ST6GALNAC3: variants seen among roughly 807,000 people sequenced by gnomAD.
The protein encoded by ST6GALNAC3 is ST6 N-acetylgalactosaminide alpha-2,6-sialyltransferase 3, also known as alpha-N-acetylgalactosaminide alpha-2,6-sialyltransferase 3.
A neutral mutation model predicts 32.7 loss-of-function variants in ST6GALNAC3; 25 were observed. The ratio of observed to expected loss-of-function variants is 0.76; its 90% CI spans 0.56 to 1.07. The LOEUF is 1.07. Among genes scored for constraint, ST6GALNAC3 ranks in the 50% least tolerant of loss-of-function variants. ST6GALNAC3 has a pLI of 0.00. For missense variants in ST6GALNAC3, 355 were observed against 382.4 expected, an observed-to-expected ratio of 0.93 and a Z score of 0.60; for synonymous variants, 129 against 133.1, an observed-to-expected ratio of 0.97 and a Z score of 0.21.
intron 2 of ST6GALNAC3, among the ~76,000 whole-genome samples, chr1:76,410,078 T>G (rs879888833): frequency 1.3e-5 from 2 of 152,218 alleles, no homozygotes; most frequent in South Asian, 2.1e-4. Context: ...TTATCAACTT[T>G]CCACACAGTT....
At position 76,206,477 on chromosome 1, in the gene ST6GALNAC3, AGCTGGAAAAAT is replaced by A. The variant is rs532248478; in HGVS notation, c.19-107323_19-107313del. On this transcript the variant is annotated intron_variant, in intron 1 of 4. Transcript: ENST00000328299. ...TGTGAGGAATTGCACTAATGATCAC[AGCTGGAAAAAT>A]GCTGTTGGAGTTGGGCGGATCATGA... 1.1e-4 allele frequency among the ~76,000 whole-genome samples: 16 copies of A among 152,296 alleles called. No homozygotes were observed. In the South Asian group the frequency reaches 3.1e-3, roughly 30 times the overall value.
intron 3 of ST6GALNAC3, among the ~76,000 whole-genome samples, chr1:76,512,333 T>C (rs1208686634): frequency 6.6e-6 from 1 of 152,202 alleles, no homozygotes; most frequent in African/African-American, 2.4e-5. Context: ...CATCCATGCA[T>C]ACACCATGTA....
chr1:76,624,345 T>C (rs894591168), intron 3 of ST6GALNAC3, among the ~76,000 whole-genome samples: 1 of 151,938 alleles, frequency 6.6e-6, no homozygotes, highest in Non-Finnish European at 1.5e-5. Context: ...ATTCTTGATC[T>C]TCTTTTCCTG....
intron 1 of ST6GALNAC3, among the ~76,000 whole-genome samples, chr1:76,151,607 TCCA>T (rs1651046599): frequency 6.6e-6 from 1 of 152,146 alleles, no homozygotes; most frequent in South Asian, 2.1e-4. Context: ...GCAGCTCAGT[TCCA>T]CTGGGAACGT....
chr1:76,477,946 C>G (rs1659461222), intron 3 of ST6GALNAC3, among the ~76,000 whole-genome samples: 1 of 152,238 alleles, frequency 6.6e-6, no homozygotes, highest in East Asian at 1.9e-4. Flanking sequence ...TATTGTGAAA[C>G]CTATGGGCCT....
chr1:76,602,220 G>A (rs1647267590), intron 3 of ST6GALNAC3, among the ~76,000 whole-genome samples: 1 of 152,128 alleles, frequency 6.6e-6, no homozygotes, highest in African/African-American at 2.4e-5. Context: ...TGACAGGGTA[G>A]GTTCACCTGA....
In ST6GALNAC3 at chr1:76,594,823, G is replaced by T. The variant is rs116570579; in HGVS notation, c.624-32629G>T. Among the ~76,000 whole-genome samples, 433 of 152,220 alleles carry T rather than the reference G, an allele frequency of 2.8e-3. 2 individuals are homozygous for T. The highest frequency in any genetic ancestry group is 4.5e-3 in the Non-Finnish European group (307 of 68,014). ...AACAGATATGTCTAGATATATAAGA[G>T]AATATAATACACCATTCCTCATCTG... On this transcript the variant is annotated intron_variant, in intron 3 of 4. Coordinates refer to ENST00000328299, the MANE Select transcript of ST6GALNAC3 (RefSeq NM_152996.4).
chr1:76,345,384 TA>T (rs1648417917), intron 2 of ST6GALNAC3, among the ~76,000 whole-genome samples: 1 of 149,584 alleles, frequency 6.7e-6, no homozygotes, highest in Non-Finnish European at 1.5e-5. Context: ...GAGTAGAGAG[TA>T]AGGGGTAAGA....
At chr1:76,173,403 A>T (rs1024297956) in intron 1 of ST6GALNAC3, among the ~76,000 whole-genome samples, 1 of 152,258 alleles carries the variant, frequency 6.6e-6, no homozygotes, top group African/African-American at 2.4e-5. Context: ...CCTAGGCAGT[A>T]CTATTCAGGA....
chr1:76,225,529 C>A (rs1256074761), intron 1 of ST6GALNAC3, among the ~76,000 whole-genome samples: 1 of 152,122 alleles, frequency 6.6e-6, no homozygotes, highest in Non-Finnish European at 1.5e-5. Context: ...ACCCCACCAA[C>A]CCAATAGCAT....
At chr1:76,148,307 T>C (rs931243101) in intron 1 of ST6GALNAC3, among the ~76,000 whole-genome samples, 1 of 152,226 alleles carries the variant, frequency 6.6e-6, no homozygotes, top group Non-Finnish European at 1.5e-5. Flanking sequence ...CAAAGCTCTG[T>C]TATAAAAATT....
At chr1:76,146,695 CT>C (rs1557653419) in intron 1 of ST6GALNAC3, among the ~76,000 whole-genome samples, 1 of 152,202 alleles carries the variant, frequency 6.6e-6, no homozygotes, top group African/African-American at 2.4e-5. Flanking sequence ...TTCCACCCCC[CT>C]CACCGCTAAA....
chr1:76,426,046 C>A (rs2101409523), intron 3 of ST6GALNAC3, among the ~76,000 whole-genome samples: 1 of 151,922 alleles, frequency 6.6e-6, no homozygotes, highest in East Asian at 1.9e-4. Context: ...TTTCTGGAGT[C>A]CCTCCAGAAA....
chr1:76,410,852 G>T (rs780549274), intron 2 of ST6GALNAC3, among the ~76,000 whole-genome samples: 20 of 152,110 alleles, frequency 1.3e-4, no homozygotes, highest in Non-Finnish European at 2.5e-4. Flanking sequence ...CGGGGGAATG[G>T]AGTTAAAATG....
At chr1:76,367,388 G>A (rs1460736157) in intron 2 of ST6GALNAC3, among the ~76,000 whole-genome samples, 1 of 152,090 alleles carries the variant, frequency 6.6e-6, no homozygotes, top group Non-Finnish European at 1.5e-5. Flanking sequence ...TAAGCACAGG[G>A]CACTAGGGGA....
chr1:76,177,976 T>C (rs1652952542), intron 1 of ST6GALNAC3, among the ~76,000 whole-genome samples: 1 of 152,176 alleles, frequency 6.6e-6, no homozygotes. Context: ...AATGACGGAT[T>C]TTGCAGAGAA....
At chr1:76,378,610 G>C (rs993627824) in intron 2 of ST6GALNAC3, among the ~76,000 whole-genome samples, 10 of 151,738 alleles carry the variant, frequency 6.6e-5, no homozygotes, top group Non-Finnish European at 1.5e-4. Flanking sequence ...TGCAGTGAGT[G>C]GAGATCACAC....
At chr1:76,545,123 C>T (rs1664213288) in intron 3 of ST6GALNAC3, among the ~76,000 whole-genome samples, 1 of 152,174 alleles carries the variant, frequency 6.6e-6, no homozygotes, top group African/African-American at 2.4e-5. Flanking sequence ...GTCTTGTCCA[C>T]ATCCAGCCTC....
intron 1 of ST6GALNAC3, among the ~76,000 whole-genome samples, chr1:76,078,956 A>G (rs1474440509): frequency 6.6e-6 from 1 of 151,998 alleles, no homozygotes; most frequent in Non-Finnish European, 1.5e-5. Flanking sequence ...AATTTTTTGT[A>G]TTTTTAGTAG....
Sources: allele counts gnomAD v4.1 joint callset (sites outside exome capture counted in the v4.1 genomes callset), GRCh38; gene constraint gnomAD v4.1.1; transcripts MANE v1.5; gene names NCBI Gene and HGNC (gene_info 2026-07-23, HGNC 2026-07-21).